The following KCNIP1 variants were observed in gnomAD, a reference collection of about 807,000 sequenced individuals.
KCNIP1 encodes potassium voltage-gated channel interacting protein 1, also known as A-type potassium channel modulatory protein KCNIP1.
Under a neutral mutation model 33.0 loss-of-function variants are expected in KCNIP1, and 18 were observed. The ratio of observed to expected loss-of-function variants is 0.55; its 90% CI spans 0.38 to 0.81. The LOEUF is 0.81. Ranked by LOEUF, KCNIP1 falls within the 30% of genes least tolerant of loss-of-function variation. The pLI is 0.00. For missense variants in KCNIP1, 238 were observed against 271.6 expected, an observed-to-expected ratio of 0.88 and a Z score of 0.87; for synonymous variants, 93 against 98.3, an observed-to-expected ratio of 0.95 and a Z score of 0.32.
At chr5:170,593,275 A>T (rs1758328408) in intron 1 of KCNIP1, among the ~76,000 whole-genome samples, 1 of 152,136 alleles carries the variant, frequency 6.6e-6, no homozygotes, top group Admixed American at 6.6e-5. Context: ...CTACCTGCCA[A>T]CCCCATGTAT....
chr5:170,438,336 G>T (rs1218037528), intron 1 of KCNIP1, among the ~76,000 whole-genome samples: 1 of 152,156 alleles, frequency 6.6e-6, no homozygotes, highest in Non-Finnish European at 1.5e-5. Flanking sequence ...GGCCCACTCT[G>T]GGCTTGAAAA....
intron 1 of KCNIP1, among the ~76,000 whole-genome samples, chr5:170,694,239 A>G (rs1762818690): frequency 6.6e-6 from 1 of 152,226 alleles, no homozygotes; most frequent in Non-Finnish European, 1.5e-5. Context: ...TACAATTTTG[A>G]ATAATATAGC....
chr5:170,447,791 G>C, intron 1 of KCNIP1, among the ~76,000 whole-genome samples: 1 of 151,904 alleles, frequency 6.6e-6, no homozygotes, highest in Middle Eastern at 3.4e-3. Context: ...GCCAGACTCC[G>C]TGTTTGTTGC....
At chr5:170,410,459 C>T (rs1020502788) in intron 1 of KCNIP1, among the ~76,000 whole-genome samples, 2 of 152,228 alleles carry the variant, frequency 1.3e-5, no homozygotes, top group African/African-American at 4.8e-5. Flanking sequence ...TGCAGGGGCA[C>T]CTGCATGTTG....
At chr5:170,623,970 C>T (rs1305938878) in intron 1 of KCNIP1, among the ~76,000 whole-genome samples, 1 of 152,164 alleles carries the variant, frequency 6.6e-6, no homozygotes, top group African/African-American at 2.4e-5. Context: ...GAACCGACTC[C>T]CTGAGGCTCT....
intron 1 of KCNIP1, among the ~76,000 whole-genome samples, chr5:170,624,759 G>A (rs1759758545): frequency 7.5e-6 from 1 of 133,348 alleles, no homozygotes; most frequent in South Asian, 2.7e-4. Flanking sequence ...GGGGAGGAGA[G>A]GGGAGGGGAG....
chr5:170,568,500 C>T (rs1757274887), intron 1 of KCNIP1, among the ~76,000 whole-genome samples: 1 of 151,844 alleles, frequency 6.6e-6, no homozygotes, highest in African/African-American at 2.4e-5. Flanking sequence ...GTGATTCCTT[C>T]TACAGACCAC....
chr5:170,376,849 C>T (rs759944419), intron 1 of KCNIP1: 13 of 152,064 alleles, frequency 8.5e-5, no homozygotes, highest in Non-Finnish European at 1.3e-4. Context: ...CAAACCTGAA[C>T]GTGTACCCTG....
intron 1 of KCNIP1, among the ~76,000 whole-genome samples, chr5:170,659,917 T>C (rs1761410303): frequency 6.6e-6 from 1 of 152,178 alleles, no homozygotes. Context: ...TTGGAGCTCC[T>C]TCCAGGAGTA....
intron 1 of KCNIP1, among the ~76,000 whole-genome samples, chr5:170,440,000 C>T (rs1453164286): frequency 6.6e-6 from 1 of 152,226 alleles, no homozygotes; most frequent in Non-Finnish European, 1.5e-5. Flanking sequence ...TGCAATGGGA[C>T]TGTTCTTGGA....
intron 1 of KCNIP1, among the ~76,000 whole-genome samples, chr5:170,545,640 A>G (rs1268096695): frequency 1.3e-5 from 2 of 152,084 alleles, no homozygotes; most frequent in African/African-American, 4.8e-5. Flanking sequence ...ATAGTCTGCT[A>G]TGTCCAGTCT....
At chr5:170,634,050 A>T (rs1052685067) in intron 1 of KCNIP1, among the ~76,000 whole-genome samples, 4 of 151,848 alleles carry the variant, frequency 2.6e-5, no homozygotes, top group African/African-American at 7.3e-5. Flanking sequence ...GTGAAAATGG[A>T]GCCAGCGGGA....
Position 170,407,476 on chromosome 5 carries a change from G to T in KCNIP1, c.88+53512G>T, listed in dbSNP as rs1439210102. On this transcript the variant is annotated intron_variant, in intron 1 of 7. Transcript: ENST00000377360. ...TTAAATGCTATGTAAAGATAGGGAGGTTTGAAATTTTTACCAACAATCCCA... is the reference window on the plus strand; with the variant it reads ...TTAAATGCTATGTAAAGATAGGGAGTTTTGAAATTTTTACCAACAATCCCA... Among the ~76,000 whole-genome samples, 7 of 152,282 alleles carry T rather than the reference G, an allele frequency of 4.6e-5. No individual in the cohort carries two copies. The East Asian group carries it at 7.7e-4, about 17-fold the overall frequency.
intron 1 of KCNIP1, among the ~76,000 whole-genome samples, chr5:170,463,016 C>T (rs1002622513): frequency 6.6e-6 from 1 of 152,034 alleles, no homozygotes; most frequent in African/African-American, 2.4e-5. Context: ...AAATATGGTG[C>T]AGTATATACT....
intron 1 of KCNIP1, among the ~76,000 whole-genome samples, chr5:170,474,459 CTCAG>C (rs1756805689): frequency 6.6e-6 from 1 of 152,162 alleles, no homozygotes; most frequent in Non-Finnish European, 1.5e-5. Flanking sequence ...TAATTTATAG[CTCAG>C]TCAAAGAACC....
intron 1 of KCNIP1, among the ~76,000 whole-genome samples, chr5:170,525,767 T>C (rs1157705734): frequency 6.6e-6 from 1 of 152,238 alleles, no homozygotes; most frequent in Non-Finnish European, 1.5e-5. Flanking sequence ...CATGTGATGC[T>C]GCACTGTCCA....
At chr5:170,378,152 C>T (rs1260330505) in intron 1 of KCNIP1, 1 of 152,252 alleles carries the variant, frequency 6.6e-6, no homozygotes, top group Non-Finnish European at 1.5e-5. Flanking sequence ...TCATGTGTTT[C>T]CTTGCAGCTG....
chr5:170,383,959 G>T, intron 1 of KCNIP1: 1 of 1,146,932 alleles, frequency 8.7e-7, no homozygotes, highest in Non-Finnish European at 1.2e-6. Flanking sequence ...ATCCAGGACT[G>T]GGATCCTCAT....
chr5:170,360,109 C>T lies in KCNIP1; in HGVS notation c.88+6145C>T, dbSNP rs563410423. On this transcript the variant is annotated intron_variant, in intron 1 of 7. Coordinates refer to the KCNIP1 transcript ENST00000377360. Reference sequence around the variant, plus strand: ...GTGGATCTAGTCAGGTCTTCATCAGCCTTCTAAGTCCAGGGCCTCCTTTGC... The same window carrying T: ...GTGGATCTAGTCAGGTCTTCATCAGTCTTCTAAGTCCAGGGCCTCCTTTGC... 4.6e-5 allele frequency among the ~76,000 whole-genome samples: 7 copies of T among 152,254 alleles called. No homozygotes were observed. The East Asian group carries it at 1.2e-3, about 25-fold the overall frequency.
Sources: gnomAD v4.1 joint callset for allele counts (sites outside exome capture counted in the v4.1 genomes callset) on GRCh38, gnomAD v4.1.1 for gene constraint, MANE v1.5 for transcripts, NCBI Gene and HGNC (gene_info 2026-07-23, HGNC 2026-07-21) for gene names.